CCDC167: variants seen among roughly 807,000 people sequenced by gnomAD.
CCDC167 encodes coiled-coil domain containing 167.
A neutral mutation model predicts 12.7 loss-of-function variants in CCDC167; 15 were observed. The ratio of observed to expected loss-of-function variants is 1.18; its 90% CI spans 0.79 to 1.81. CCDC167 has a LOEUF of 1.81. Ranked by LOEUF, CCDC167 falls within the 40% of genes most tolerant of loss-of-function variation. The probability of loss-of-function intolerance (pLI) is 0.00; values close to 1 mark genes in which losing one functional copy is unlikely to be tolerated. For synonymous variants in CCDC167, 52 were observed against 49.0 expected, an observed-to-expected ratio of 1.06 and a Z score of -0.26; for missense variants, 121 against 120.1, an observed-to-expected ratio of 1.01 and a Z score of -0.03.
Position 37,483,120 on chromosome 6 carries a change from G to T in CCDC167, c.*66C>A. 8.0e-7 allele frequency: 1 copy of T among 1,244,824 alleles called. No homozygotes were observed. Among genetic ancestry groups the T allele is most frequent in the Non-Finnish European group, 1.2e-6 (1 of 843,780 alleles). 77.1% of individuals were successfully genotyped at this position (1,244,824 alleles called of 1,614,324 possible). On this transcript the variant is annotated 3_prime_UTR_variant, in exon 4 of 4. Transcript: ENST00000373408. ...CACCTTGGTCCTATTGAGGCTTGAA[G>T]TGCCTGCTTGATCCTGATCAAGGGG...
intron 3 of CCDC167, 109 bp from the exon 4 acceptor site, chr6:37,483,398 TC>T (rs1190260887): frequency 1.4e-6 from 1 of 700,802 alleles, no homozygotes; most frequent in East Asian, 2.7e-5. Context: ...GACGCACCCT[TC>T]CAGCCACCTC....
At chr6:37,485,948 G>T (rs965577812) in intron 1 of CCDC167, among the ~76,000 whole-genome samples, 3 of 152,202 alleles carry the variant, frequency 2.0e-5, no homozygotes, top group African/African-American at 7.2e-5. Context: ...GAGTTGTGGA[G>T]AAATGTTTAA....
chr6:37,490,126 C>T (rs1207437464), intron 1 of CCDC167, among the ~76,000 whole-genome samples: 5 of 152,300 alleles, frequency 3.3e-5, no homozygotes, highest in Middle Eastern at 3.4e-3. Context: ...GTAAGAGAGG[C>T]GATGGTATGA....
chr6:37,488,392 G>A (rs1279680545), intron 1 of CCDC167, among the ~76,000 whole-genome samples: 8 of 152,196 alleles, frequency 5.3e-5, no homozygotes, highest in Non-Finnish European at 8.8e-5. Context: ...ACATGCACAC[G>A]GATTATGCAC....
At chr6:37,495,454 TC>T (rs1484720750) in intron 1 of CCDC167, among the ~76,000 whole-genome samples, 1 of 152,228 alleles carries the variant, frequency 6.6e-6, no homozygotes, top group Non-Finnish European at 1.5e-5. Context: ...CTTTCCTTCC[TC>T]CCACACAACA....
At chr6:37,484,740 T>C in intron 3 of CCDC167, 70 bp downstream of exon 3, 2 of 1,582,392 alleles carry the variant, frequency 1.3e-6, no homozygotes, top group Admixed American at 1.7e-5. Context: ...GTCAGGCCCC[T>C]TGGGCTTCTG....
At position 37,483,138 on chromosome 6, in the gene CCDC167, T is replaced by C. The variant is rs10692; in HGVS notation, c.*48A>G. The C allele has an allele frequency of 0.69, 1,000,224 of 1,445,532 alleles. 349,602 individuals carry two copies. The highest frequency in any genetic ancestry group is 0.83 in the African/African-American group (59,793 of 71,654). The allele number at this position is 1,445,532 out of a possible 1,614,324, so 89.5% of individuals were successfully genotyped here. On this transcript the variant is annotated 3_prime_UTR_variant, in exon 4 of 4. Coordinates refer to ENST00000373408, the MANE Select transcript of CCDC167 (RefSeq NM_138493.3). ...GCTTGAAGTGCCTGCTTGATCCTGA[T>C]CAAGGGGCCAAGTGGAAGCCTGTGC...
intron 1 of CCDC167, among the ~76,000 whole-genome samples, chr6:37,487,236 C>T (rs2113905346): frequency 6.6e-6 from 1 of 152,310 alleles, no homozygotes; most frequent in South Asian, 2.1e-4. Context: ...ACTGCCTGGT[C>T]CCGGCAGAGG....
At chr6:37,498,842 T>C (rs1762130163) in intron 1 of CCDC167, among the ~76,000 whole-genome samples, 2 of 151,780 alleles carry the variant, frequency 1.3e-5, no homozygotes, top group Admixed American at 1.3e-4. Flanking sequence ...AAAAAGCAGA[T>C]TCCTTGTTAA....
Position 37,484,590 on chromosome 6 carries a change from C to CA in CCDC167, c.190+219dup, listed in dbSNP as rs531002143. 1.8e-3 allele frequency among the ~76,000 whole-genome samples: 278 copies of CA among 152,324 alleles called. 1 individual carries two copies. Among genetic ancestry groups the CA allele is most frequent in the African/African-American group, 6.4e-3 (266 of 41,560 alleles). ...ACATCCCTTCATCCCAAAGAGCAGA[C>CA]AGACCCACAGGCGGTCTCATCCTCC... On this transcript the variant is annotated intron_variant, in intron 3 of 3. Transcript: ENST00000373408.
At chr6:37,497,618 C>T (rs1384488469) in intron 1 of CCDC167, among the ~76,000 whole-genome samples, 1 of 152,070 alleles carries the variant, frequency 6.6e-6, no homozygotes, top group African/African-American at 2.4e-5. Flanking sequence ...CTTTGGGAGG[C>T]CGAGGTGGGC....
rs1278876957 is a variant in CCDC167, at chr6:37,484,856, G to A, written c.144C>T (p.Ser48=). ...SRELSPEARR[S]LEKEKNSLMN... ...TTAGGCTGTTTTTCTCCTTCTCCAG[G>A]GACCTCCTGTGAGGGGAAAGGAGCT... Residue 48 remains serine (S), a synonymous_variant, in exon 3 of 4, where the codon TCC becomes TCT. Transcript: ENST00000373408. 1.9e-6 allele frequency: 3 copies of A among 1,614,142 alleles called. No homozygotes were observed. The highest frequency in any genetic ancestry group is 2.5e-6 in the Non-Finnish European group (3 of 1,180,066).
chr6:37,486,868 A>G (rs575521755), intron 1 of CCDC167, among the ~76,000 whole-genome samples: 1 of 151,870 alleles, frequency 6.6e-6, no homozygotes, highest in East Asian at 1.9e-4. Flanking sequence ...CCTCCCCTTT[A>G]CAGCAGCACC....
chr6:37,496,243 G>C (rs1762097714), intron 1 of CCDC167, among the ~76,000 whole-genome samples: 1 of 151,994 alleles, frequency 6.6e-6, no homozygotes, highest in Non-Finnish European at 1.5e-5. Flanking sequence ...AGACCAGCTG[G>C]CCAACATGGT....
intron 1 of CCDC167, among the ~76,000 whole-genome samples, chr6:37,488,897 A>G (rs1265879760): frequency 6.6e-6 from 1 of 152,234 alleles, no homozygotes. Flanking sequence ...TTTGGAGAAT[A>G]AAAGAAAACC....
At chr6:37,484,622 A>G (rs953246787) in intron 3 of CCDC167, among the ~76,000 whole-genome samples, 188 bp downstream of exon 3, 9 of 152,192 alleles carry the variant, frequency 5.9e-5, no homozygotes, top group African/African-American at 2.2e-4. Flanking sequence ...CTCCCTTAGA[A>G]CAAAGCAACA....
intron 1 of CCDC167, among the ~76,000 whole-genome samples, chr6:37,492,441 C>T (rs1408730729): frequency 6.6e-6 from 1 of 152,220 alleles, no homozygotes; most frequent in African/African-American, 2.4e-5. Context: ...ACAGAGGAGA[C>T]AGGAGCCCAG....
intron 3 of CCDC167, among the ~76,000 whole-genome samples, chr6:37,483,890 A>G (rs1226741810): frequency 1.3e-5 from 2 of 152,210 alleles, no homozygotes; most frequent in Non-Finnish European, 2.9e-5. Flanking sequence ...ACTTGTATCA[A>G]AGTATCCCCT....
chr6:37,488,094 G>A (rs374416222), intron 1 of CCDC167, among the ~76,000 whole-genome samples: 1 of 152,210 alleles, frequency 6.6e-6, no homozygotes, highest in Non-Finnish European at 1.5e-5. Flanking sequence ...GTGACCCTGC[G>A]GGGTCCCCAG....
Sources: allele counts gnomAD v4.1 joint callset (sites outside exome capture counted in the v4.1 genomes callset), GRCh38; gene constraint gnomAD v4.1.1; transcripts MANE v1.5; gene names NCBI Gene and HGNC (gene_info 2026-07-23, HGNC 2026-07-21).